The following NFASC variants were observed in gnomAD, a reference collection of about 807,000 sequenced individuals.
The protein encoded by NFASC is neurofascin homolog.
NFASC carries 43 observed loss-of-function variants against 147.5 expected under a neutral mutation model. The observed-to-expected ratio is 0.29, with a 90% CI of 0.23 to 0.38. The LOEUF is 0.38. NFASC is among the 10% of genes least tolerant of loss of function. NFASC has a pLI of 1.00. For missense variants in NFASC, 1,320 were observed against 1,689.0 expected (o/e 0.78, Z 3.83); for synonymous variants, 622 against 665.5 (o/e 0.93, Z 1.01).
intron 2 of NFASC, among the ~76,000 whole-genome samples, chr1:204,927,873 T>C (rs1348331167): frequency 1.3e-5 from 2 of 152,170 alleles, no homozygotes; most frequent in African/African-American, 2.4e-5. Context: ...GTGTGTCTAA[T>C]TGCTGTGAAA....
intron 1 of NFASC, among the ~76,000 whole-genome samples, chr1:204,903,628 C>T (rs748549649): frequency 6.6e-6 from 1 of 152,180 alleles, no homozygotes; most frequent in Non-Finnish European, 1.5e-5. Context: ...ACTGGGGGCC[C>T]AGTTGCTGTG....
intron 8 of NFASC, chr1:204,962,232 C>G: frequency 8.0e-7 from 1 of 1,251,696 alleles, no homozygotes; most frequent in Non-Finnish European, 1.2e-6. Flanking sequence ...ACTGATACCA[C>G]GTCATTAACT....
At chr1:205,012,600 G>A (rs1319857325) in intron 28 of NFASC, 197 bp from the exon 29 acceptor site, 4 of 610,212 alleles carry the variant, frequency 6.6e-6, no homozygotes, top group Non-Finnish European at 8.9e-6. Context: ...GGGCTGAGAA[G>A]GAGGAGGCAG....
At chr1:204,985,897 C>T (rs1258522880) in intron 21 of NFASC, 2 of 1,602,176 alleles carry the variant, frequency 1.2e-6, no homozygotes, top group Admixed American at 3.4e-5. Flanking sequence ...ACCAGCCTGC[C>T]TCTGTCCCGA....
chr1:204,863,709 C>T (rs370349921), intron 1 of NFASC, among the ~76,000 whole-genome samples: 11 of 151,784 alleles, frequency 7.2e-5, no homozygotes, highest in African/African-American at 1.7e-4. Flanking sequence ...ATTAGTCAGG[C>T]GTGGTGGCGG....
chr1:204,846,952 C>CGTGTGTGTGTCT (rs1034512647), intron 1 of NFASC, among the ~76,000 whole-genome samples: 2,311 of 124,630 alleles, frequency 0.019, 61 homozygotes, highest in African/African-American at 0.064. Flanking sequence ...TGTGTGTACG[C>CGTGTGTGTGTCT]GTGTGTGTGT....
chr1:204,927,786 C>A (rs892782041), intron 2 of NFASC, among the ~76,000 whole-genome samples: 33 of 152,176 alleles, frequency 2.2e-4, no homozygotes, highest in Non-Finnish European at 4.0e-4. Flanking sequence ...TGATACCCCA[C>A]GCCTTCTCCA....
intron 2 of NFASC, among the ~76,000 whole-genome samples, chr1:204,924,333 G>A (rs143374767): frequency 1.3e-4 from 20 of 152,234 alleles, no homozygotes; most frequent in Admixed American, 4.6e-4. Context: ...CCCTCCTGCT[G>A]TCTTAGTTCT....
At chr1:204,919,786 T>C (rs183798285) in intron 1 of NFASC, among the ~76,000 whole-genome samples, 1 of 152,108 alleles carries the variant, frequency 6.6e-6, no homozygotes. Flanking sequence ...GCCCGGCTAA[T>C]TTTTGTATTT....
intron 1 of NFASC, among the ~76,000 whole-genome samples, chr1:204,849,211 G>A (rs767891909): frequency 1.3e-5 from 2 of 152,214 alleles, no homozygotes; most frequent in South Asian, 2.1e-4. Context: ...CCTCTCTACC[G>A]AAACTAGCTT....
chr1:204,870,347 G>A (rs1408170425), intron 1 of NFASC, among the ~76,000 whole-genome samples: 1 of 152,182 alleles, frequency 6.6e-6, no homozygotes, highest in Non-Finnish European at 1.5e-5. Flanking sequence ...GGGAGCCATT[G>A]TCCTGTGTGG....
intron 1 of NFASC, among the ~76,000 whole-genome samples, chr1:204,896,990 AG>A (rs948559784): frequency 6.6e-6 from 1 of 152,186 alleles, no homozygotes; most frequent in African/African-American, 2.4e-5. Flanking sequence ...CCATTCTCAA[AG>A]GTGCTCCTTC....
At chr1:204,953,160 G>T (rs2094223308) in intron 5 of NFASC, among the ~76,000 whole-genome samples, 1 of 152,246 alleles carries the variant, frequency 6.6e-6, no homozygotes. Flanking sequence ...AAGTTAGATT[G>T]TGGGCATCTG....
At position 204,979,496 on chromosome 1, in the gene NFASC, A is replaced by G. The variant is rs1399945873; in HGVS notation, c.2113A>G (p.Ile705Val). The G allele has an allele frequency of 1.2e-6, 2 of 1,613,734 alleles. No homozygotes were observed. The highest frequency in any genetic ancestry group is 1.7e-6 in the Non-Finnish European group (2 of 1,180,026). The stretch of plus-strand genomic sequence containing the variant: ...CAACTACCAGTTCCGTGTCATTGCC[A>G]TCAACGAGGTTGGGAGCAGCCACCC... ...YVNYQFRVIA[I>V]NEVGSSHPSL... Residue 705 changes from isoleucine to valine, a missense_variant, in exon 19 of 30, where the codon ATC becomes GTC. By Grantham distance (29) the Ile-to-Val change is conservative. Transcript: ENST00000339876. This position sits in a 1 kb window ranked among gnomAD's most constrained non-coding sequence, Gnocchi z 6.0.
At chr1:204,831,174 T>C (rs1248344403) in intron 1 of NFASC, among the ~76,000 whole-genome samples, 1 of 152,062 alleles carries the variant, frequency 6.6e-6, no homozygotes, top group Non-Finnish European at 1.5e-5. Context: ...GGGATTCTAA[T>C]AACAGTGTAC....
chr1:204,961,339 G>C (rs1396685152), intron 8 of NFASC, among the ~76,000 whole-genome samples: 1 of 152,220 alleles, frequency 6.6e-6, no homozygotes, highest in Non-Finnish European at 1.5e-5. Context: ...CGTTCAGGAG[G>C]ACTTTCCTAG....
intron 5 of NFASC, among the ~76,000 whole-genome samples, chr1:204,952,409 CCA>C (rs2149973502): frequency 6.6e-6 from 1 of 152,268 alleles, no homozygotes; most frequent in African/African-American, 2.4e-5. Context: ...ATCATCTGCC[CCA>C]CGTTTAGCTT....
chr1:205,022,123 G>A lies in NFASC; in HGVS notation c.*5584G>A, dbSNP rs1386287238. 6.6e-6 allele frequency: 1 copy of A among 152,604 alleles called. No homozygotes were observed. The highest frequency in any genetic ancestry group is 2.4e-5 in the African/African-American group (1 of 41,442). 9.5% of individuals were successfully genotyped at this position (152,604 alleles called of 1,614,324 possible). On this transcript the variant is annotated 3_prime_UTR_variant, in exon 30 of 30. Transcript: ENST00000339876. ...TGAAGCAATAAACACAAAACTCTGG[G>A]AGAAGATATCCAGAATTTTGTACAT...
At chr1:204,961,319 A>G (rs1375907662) in intron 8 of NFASC, among the ~76,000 whole-genome samples, 1 of 152,216 alleles carries the variant, frequency 6.6e-6, no homozygotes, top group Non-Finnish European at 1.5e-5. Context: ...AGAGCTTCGA[A>G]CCTCCAGAAC....
Sources: gnomAD v4.1 joint callset for allele counts (sites outside exome capture counted in the v4.1 genomes callset) on GRCh38, gnomAD v4.1.1 for gene constraint, Gnocchi (gnomAD v3.1) non-coding constraint, MANE v1.5 for transcripts, NCBI Gene and HGNC (gene_info 2026-07-23, HGNC 2026-07-21) for gene names.